The following SEC14L2 variants were observed in gnomAD, a reference collection of about 807,000 sequenced individuals.
SEC14L2 encodes the protein SEC14-like protein 2.
Under a neutral mutation model 56.9 loss-of-function variants are expected in SEC14L2, and 50 were observed. The observed-to-expected ratio is 0.88, with a 90% CI of 0.70 to 1.11. The LOEUF is 1.11. Ranked by LOEUF, SEC14L2 falls within the 50% of genes most tolerant of loss-of-function variation. The pLI, the probability that SEC14L2 is intolerant of heterozygous loss-of-function variation, is 0.00. For missense variants in SEC14L2, 414 were observed against 500.7 expected (o/e 0.83, Z 1.65); for synonymous variants, 179 against 188.5 (o/e 0.95, Z 0.41).
rs1409564561 is a variant in SEC14L2, at chr22:30,407,146, C to T, written c.226C>T (p.Pro76Ser). 37 of 1,613,882 alleles carry T rather than the reference C, an allele frequency of 2.3e-5. No homozygotes were observed. Among genetic ancestry groups the T allele is most frequent in the Non-Finnish European group, 3.1e-5 (37 of 1,179,990 alleles). The change falls in exon 4 of 12, where the codon CCT (proline) becomes TCT (serine). Residue 76 changes from proline (P) to serine (S), a missense_variant. By Grantham distance (74) the Pro-to-Ser change is moderately conservative (BLOSUM62 -1). Transcript: ENST00000615189. Reference protein sequence around the residue: ...KDIDNIISWQPPEVIQQYLSG... With the variant: ...KDIDNIISWQSPEVIQQYLSG... Reference sequence around the variant, plus strand: ...CATTGACAACATCATTAGCTGGCAGCCTCCAGAGGTGAGCACAAATTATCC... The same window carrying T: ...CATTGACAACATCATTAGCTGGCAGTCTCCAGAGGTGAGCACAAATTATCC...
chr22:30,419,238 G>GT (rs1306378079), intron 11 of SEC14L2, among the ~76,000 whole-genome samples: 2 of 152,118 alleles, frequency 1.3e-5, no homozygotes, highest in African/African-American at 4.8e-5. Context: ...ATTAGGTTTG[G>GT]TTTTCCTTCT....
chr22:30,398,245 T>C, intron 1 of SEC14L2, among the ~76,000 whole-genome samples: 1 of 152,208 alleles, frequency 6.6e-6, no homozygotes, highest in Admixed American at 6.5e-5. Context: ...TAGGTGGTGA[T>C]TAAACTGGAG....
intron 8 of SEC14L2, among the ~76,000 whole-genome samples, chr22:30,414,428 A>C (rs1345669064): frequency 1.3e-5 from 2 of 152,008 alleles, no homozygotes; most frequent in African/African-American, 4.8e-5. Flanking sequence ...GGGGAGATTC[A>C]CTCGGGCTGG....
Position 30,415,980 on chromosome 22 carries a change from T to C in SEC14L2, c.804T>C (p.Tyr268=). Residue 268 remains tyrosine (Y), a synonymous_variant, in exon 10 of 12, where the codon TAT becomes TAC. Coordinates refer to ENST00000615189, the MANE Select transcript of SEC14L2 (RefSeq NM_012429.5). ...ACGGGGGTGACATCCCCAGGAAGTA[T>C]TATGTGCGAGACCAGGTGAAACAGC... The part of the protein sequence containing the change: ...INYGGDIPRK[Y]YVRDQVKQQY... 2 of 1,614,194 alleles carry C rather than the reference T, an allele frequency of 1.2e-6. No homozygotes were observed. The highest frequency in any genetic ancestry group is 1.3e-5 in the African/African-American group (1 of 75,038).
rs1180099337 is a variant in SEC14L2, at chr22:30,423,460, CCCCAGGCAGGAGGCCG to C, written c.*1058_*1073del. The C allele has an allele frequency of 1.3e-5, 2 of 152,692 alleles. No individual in the cohort carries two copies. Among genetic ancestry groups the C allele is most frequent in the Non-Finnish European group, 2.9e-5 (2 of 68,202 alleles). The allele number at this position is 152,692 out of a possible 1,614,324, so 9.5% of individuals were successfully genotyped here. A position where few individuals can be genotyped will look rare whatever the true frequency, so the allele number is the denominator to read the frequency against. On this transcript the variant is annotated 3_prime_UTR_variant, in exon 12 of 12. Coordinates refer to ENST00000615189, the MANE Select transcript of SEC14L2 (RefSeq NM_012429.5). ...GTCGGCGTAGCCAGGCCTGGAGGCC[CCCCAGGCAGGAGGCCG>C]CCCAAAGGCGGGGCCGGCGTCTCGC...
At chr22:30,412,177 G>A (rs532808119) in intron 8 of SEC14L2, among the ~76,000 whole-genome samples, 2 of 152,136 alleles carry the variant, frequency 1.3e-5, no homozygotes, top group East Asian at 3.9e-4. Flanking sequence ...TTTCAGCAGG[G>A]GAGTACCACA....
chr22:30,399,900 G>A (rs1010324), intron 2 of SEC14L2, among the ~76,000 whole-genome samples, 182 bp downstream of exon 2: 24,055 of 152,286 alleles, frequency 0.16, 2,526 homozygotes, highest in South Asian at 0.39. Flanking sequence ...CTGAGGCTCA[G>A]AGAGGTCAAG....
chr22:30,420,029 C>T (rs1318429485), intron 11 of SEC14L2, among the ~76,000 whole-genome samples: 3 of 151,780 alleles, frequency 2.0e-5, no homozygotes, highest in Non-Finnish European at 2.9e-5. Context: ...TCTCGACTCA[C>T]TGCAACCTTC....
chr22:30,422,385 T>C lies in SEC14L2; in HGVS notation c.1190T>C (p.Leu397Pro). 6.2e-7 allele frequency: 1 copy of C among 1,614,200 alleles called. No individual in the cohort carries two copies. The highest frequency in any genetic ancestry group is 8.5e-7 in the Non-Finnish European group (1 of 1,180,016). The change falls in exon 12 of 12, where the codon CTG (leucine) becomes CCG (proline). Residue 397 changes from leucine (L) to proline (P), a missense_variant. Coordinates refer to ENST00000615189, the MANE Select transcript of SEC14L2 (RefSeq NM_012429.5). ...GCCTCAGAAGAGAAGATGAAACAGC[T>C]GGGGGCAGGCACCCCGAAATAACAC... ...DKASEEKMKQ[L>P]GAGTPK
In SEC14L2 at chr22:30,399,647, G is replaced by A. The variant is rs201172275; in HGVS notation, c.59G>A (p.Arg20Gln). Residue 20 changes from arginine to glutamine, a missense_variant, in exon 2 of 12, where the codon CGG becomes CAG. Coordinates refer to ENST00000615189, the MANE Select transcript of SEC14L2 (RefSeq NM_012429.5). ...PRQKEALAKF[R>Q]ENVQDVLPAL... ...CCCCGATGCCTCTCCCTACAGTTTCGGGAGAATGTCCAGGATGTGCTGCCG... is the reference window on the plus strand; with the variant it reads ...CCCCGATGCCTCTCCCTACAGTTTCAGGAGAATGTCCAGGATGTGCTGCCG... The A allele has an allele frequency of 1.5e-5, 24 of 1,613,310 alleles. No individual in the cohort carries two copies. Among genetic ancestry groups the A allele is most frequent in the East Asian group, 8.9e-5 (4 of 44,872 alleles).
intron 7 of SEC14L2, among the ~76,000 whole-genome samples, chr22:30,409,923 T>C (rs1337411638): frequency 6.8e-6 from 1 of 148,044 alleles, no homozygotes; most frequent in African/African-American, 2.5e-5. Context: ...TAGGGCTAGG[T>C]GCAGTGGCTC....
At chr22:30,400,084 G>A (rs1011488601) in intron 2 of SEC14L2, among the ~76,000 whole-genome samples, 1 of 152,264 alleles carries the variant, frequency 6.6e-6, no homozygotes, top group Non-Finnish European at 1.5e-5. Context: ...CATGTGGGGG[G>A]TCGGAGGCAG....
chr22:30,406,885 G>T (rs1934109717), intron 3 of SEC14L2, among the ~76,000 whole-genome samples: 1 of 152,146 alleles, frequency 6.6e-6, no homozygotes, highest in Non-Finnish European at 1.5e-5. Flanking sequence ...CTGAGTAGCT[G>T]GGATTACAGG....
intron 5 of SEC14L2, 81 bp from the exon 6 acceptor site, chr22:30,409,106 G>A: frequency 8.3e-7 from 1 of 1,211,766 alleles, no homozygotes; most frequent in Non-Finnish European, 1.2e-6. Flanking sequence ...TGGATGCACA[G>A]TGCAATCATT....
At chr22:30,421,863 T>C (rs1934527510) in intron 11 of SEC14L2, 1 of 158,002 alleles carries the variant, frequency 6.3e-6, no homozygotes, top group Non-Finnish European at 1.4e-5. Context: ...AGATAACATA[T>C]AGATTACCAA....
chr22:30,399,591 G>A, intron 1 of SEC14L2, 52 bp from the exon 2 acceptor site: 2 of 1,386,538 alleles, frequency 1.4e-6, no homozygotes, highest in African/African-American at 1.4e-5. Context: ...CCTAGGCAGA[G>A]GGCAGCAGTC....
chr22:30,405,756 A>G (rs1363477960), intron 2 of SEC14L2, among the ~76,000 whole-genome samples: 4 of 152,068 alleles, frequency 2.6e-5, no homozygotes, highest in Non-Finnish European at 5.9e-5. Context: ...AGCTCACTGC[A>G]ACCTTCACCT....
intron 5 of SEC14L2, 110 bp downstream of exon 5, chr22:30,407,713 C>CTTT: frequency 1.2e-4 from 72 of 610,150 alleles, no homozygotes; most frequent in South Asian, 1.6e-4. Context: ...AAGGCCCAGC[C>CTTT]TTTTTTTTTT....
chr22:30,397,174 A>G lies in SEC14L2; in HGVS notation c.54+4A>G. The G allele has an allele frequency of 6.5e-7, 1 of 1,537,978 alleles. No individual in the cohort carries two copies. Among genetic ancestry groups the G allele is most frequent in the East Asian group, 2.5e-5 (1 of 40,008 alleles). Reference sequence around the variant, plus strand: ...GCAGAAGGAGGCATTGGCCAAGGTGAGCTGTAGCCCTGGCCCGGGCTCCCG... The same window carrying G: ...GCAGAAGGAGGCATTGGCCAAGGTGGGCTGTAGCCCTGGCCCGGGCTCCCG... On this transcript the variant is annotated splice_donor_region_variant and intron_variant, in intron 1 of 11. Coordinates refer to ENST00000615189, the MANE Select transcript of SEC14L2 (RefSeq NM_012429.5).
Sources: gnomAD v4.1 joint callset for allele counts (sites outside exome capture counted in the v4.1 genomes callset) on GRCh38, gnomAD v4.1.1 for gene constraint, MANE v1.5 for transcripts, NCBI Gene and HGNC (gene_info 2026-07-23, HGNC 2026-07-21) for gene names.